Variants in CUX1 observed in about 807,000 individuals in gnomAD.
The protein encoded by CUX1 is cut like homeobox 1, also known as protein CASP.
Under a neutral mutation model 158.8 loss-of-function variants are expected in CUX1, and 31 were observed. The ratio of observed to expected loss-of-function variants is 0.20; its 90% CI spans 0.15 to 0.26. CUX1 has a LOEUF of 0.26. CUX1 is among the 10% of genes least tolerant of loss of function. The probability of loss-of-function intolerance (pLI) is 1.00; values close to 1 mark genes in which losing one functional copy is unlikely to be tolerated. For synonymous variants in CUX1, 879 were observed against 862.1 expected (o/e 1.02, Z -0.34); for missense variants, 1,589 against 2,014.6 (o/e 0.79, Z 4.04).
chr7:102,068,440 G>C (rs1010793370), intron 3 of CUX1, among the ~76,000 whole-genome samples: 2 of 34,592 alleles, frequency 5.8e-5, no homozygotes. Context: ...TTATCTTATC[G>C]GGTTGAGGGG....
At chr7:101,924,498 A>T (rs1428405970) in intron 2 of CUX1, among the ~76,000 whole-genome samples, 1 of 151,930 alleles carries the variant, frequency 6.6e-6, no homozygotes, top group Non-Finnish European at 1.5e-5. Flanking sequence ...TGATCGTTGT[A>T]ACCCCATCTT....
chr7:102,270,035 G>A (rs1791101784), intron 14 of CUX1, among the ~76,000 whole-genome samples: 1 of 152,220 alleles, frequency 6.6e-6, no homozygotes, highest in East Asian at 1.9e-4. Context: ...TCTGTACAGC[G>A]ATGGGGTCCA....
intron 14 of CUX1, among the ~76,000 whole-genome samples, chr7:102,196,131 G>C (rs930463449): frequency 1.3e-5 from 2 of 152,242 alleles, no homozygotes; most frequent in East Asian, 3.8e-4. Context: ...GGTAAAACGC[G>C]TACAGGTGTC....
chr7:102,022,228 T>C (rs1819463041), intron 2 of CUX1, among the ~76,000 whole-genome samples: 1 of 152,228 alleles, frequency 6.6e-6, no homozygotes, highest in Non-Finnish European at 1.5e-5. Context: ...AATGGTTTCC[T>C]CCAGCAATTG....
chr7:101,839,773 G>GT (rs1273130129), intron 1 of CUX1, among the ~76,000 whole-genome samples: 1 of 145,600 alleles, frequency 6.9e-6, no homozygotes, highest in Admixed American at 6.9e-5. Context: ...TCTTTTTTTT[G>GT]TTTTTTGAGA....
chr7:102,188,575 G>A (rs1793891319), intron 11 of CUX1: 1 of 152,060 alleles, frequency 6.6e-6, no homozygotes, highest in Non-Finnish European at 1.5e-5. Context: ...GGGAAGCTGA[G>A]GCGAGAGGGT....
Position 102,131,120 on chromosome 7 carries a change from A to C in CUX1, c.674+15847A>C, listed in dbSNP as rs1253476733. 2.6e-5 allele frequency among the ~76,000 whole-genome samples: 4 copies of C among 152,216 alleles called. No individual in the cohort carries two copies. In the East Asian group the frequency reaches 5.8e-4, roughly 22 times the overall value. On this transcript the variant is annotated intron_variant, in intron 8 of 23. Coordinates refer to ENST00000292535, the MANE Select transcript of CUX1 (RefSeq NM_181552.4). ...TGAGACTCCATCTCAAAAAAAAAAA[A>C]AAAAAACTCTCCAGTTTGTAGGATT...
At chr7:102,118,639 A>G (rs1831686473) in intron 8 of CUX1, among the ~76,000 whole-genome samples, 1 of 152,234 alleles carries the variant, frequency 6.6e-6, no homozygotes, top group African/African-American at 2.4e-5. Flanking sequence ...ACTAGGGTCC[A>G]CTACGAGCTC....
chr7:101,817,165 A>G (rs1584622301), upstream of CUX1: 1 of 983,632 alleles, frequency 1.0e-6, no homozygotes, highest in East Asian at 1.2e-4. This position sits in a 1 kb window ranked among gnomAD's most constrained non-coding sequence, Gnocchi z 4.1. Flanking sequence ...ACTTTCCCCT[A>G]GGCAGGCCCC....
At chr7:102,009,901 C>T (rs1585261066) in intron 2 of CUX1, among the ~76,000 whole-genome samples, 1 of 152,214 alleles carries the variant, frequency 6.6e-6, no homozygotes, top group South Asian at 2.1e-4. Context: ...AGTGAGCCTT[C>T]GTGACTGGCG....
chr7:102,260,096 T>TG (rs57395527), downstream of CUX1, among the ~76,000 whole-genome samples: 1 of 146,416 alleles, frequency 6.8e-6, no homozygotes, highest in African/African-American at 2.5e-5. Context: ...CCCTAAATCT[T>TG]GGGGGGAAAA....
At chr7:102,262,410 G>GGATGGATGGATA (rs1319180044), downstream of CUX1, among the ~76,000 whole-genome samples, 7 of 151,792 alleles carry the variant, frequency 4.6e-5, no homozygotes, top group African/African-American at 1.7e-4. Context: ...ATGGATGGAT[G>GGATGGATGGATA]GATGGATGGA....
intron 4 of CUX1, among the ~76,000 whole-genome samples, chr7:102,078,299 C>T (rs1193395229): frequency 6.6e-6 from 1 of 152,190 alleles, no homozygotes; most frequent in Non-Finnish European, 1.5e-5. Flanking sequence ...TGGTCTCAAA[C>T]TCCTAGGCTC....
chr7:101,863,348 T>C (rs1301373108), intron 1 of CUX1, among the ~76,000 whole-genome samples: 2 of 150,546 alleles, frequency 1.3e-5, no homozygotes, highest in Admixed American at 6.6e-5. Context: ...TTCTTTTTTT[T>C]TTTTTTCTTC....
chr7:102,064,818 A>G (rs1277792236), intron 3 of CUX1, among the ~76,000 whole-genome samples: 1 of 151,818 alleles, frequency 6.6e-6, no homozygotes, highest in Non-Finnish European at 1.5e-5. Flanking sequence ...GCTGGCAGTC[A>G]AAGCCCAGGC....
At chr7:102,186,602 T>TA (rs1199431279) in intron 11 of CUX1, among the ~76,000 whole-genome samples, 1 of 151,336 alleles carries the variant, frequency 6.6e-6, no homozygotes, top group African/African-American at 2.4e-5. Flanking sequence ...TATATTTTTT[T>TA]TTATTTATGC....
intron 11 of CUX1, among the ~76,000 whole-genome samples, chr7:102,186,576 A>AGT (rs1460964628): frequency 1.4e-4 from 16 of 112,704 alleles, no homozygotes; most frequent in East Asian, 1.4e-3. Context: ...AAACCTAGAT[A>AGT]GTATATATAT....
intron 3 of CUX1, among the ~76,000 whole-genome samples, chr7:102,045,012 T>G (rs1822569801): frequency 1.3e-5 from 2 of 152,226 alleles, no homozygotes; most frequent in East Asian, 3.9e-4. Flanking sequence ...GTGACAGTGG[T>G]GTTAGCCGTG....
intron 22 of CUX1, among the ~76,000 whole-genome samples, chr7:102,235,043 C>G (rs1799401762): frequency 6.6e-6 from 1 of 152,204 alleles, no homozygotes; most frequent in African/African-American, 2.4e-5. Flanking sequence ...AGATCTCTCT[C>G]TTGCTGTTAT....
Sources: allele counts gnomAD v4.1 joint callset (sites outside exome capture counted in the v4.1 genomes callset), GRCh38; gene constraint gnomAD v4.1.1; non-coding constraint Gnocchi (gnomAD v3.1); transcripts MANE v1.5; gene names NCBI Gene and HGNC (gene_info 2026-07-23, HGNC 2026-07-21).